Variants in LRRTM4 observed in about 807,000 individuals in gnomAD.
LRRTM4 encodes the protein leucine-rich repeat transmembrane neuronal protein 4.
LRRTM4 carries 25 observed loss-of-function variants against 47.6 expected under a neutral mutation model. That is an observed-to-expected ratio of 0.53 (90% confidence interval 0.38 to 0.73). The LOEUF is 0.73. LRRTM4 is among the 30% of genes least tolerant of loss of function. LRRTM4 has a pLI of 0.00. For synonymous variants in LRRTM4, 311 were observed against 269.5 expected, an observed-to-expected ratio of 1.15 and a Z score of -1.51; for missense variants, 638 against 713.4, an observed-to-expected ratio of 0.89 and a Z score of 1.20.
chr2:76,818,118 T>A (rs1037172609), intron 3 of LRRTM4, among the ~76,000 whole-genome samples: 1 of 151,914 alleles, frequency 6.6e-6, no homozygotes, highest in Non-Finnish European at 1.5e-5. Flanking sequence ...TACAGTGAAT[T>A]AGTCGTTGTA....
intron 3 of LRRTM4, among the ~76,000 whole-genome samples, chr2:76,921,782 A>C (rs1226161096): frequency 1.3e-5 from 2 of 152,140 alleles, no homozygotes; most frequent in East Asian, 1.9e-4. Context: ...TGGAACTATA[A>C]GATGTTCTAG....
intron 3 of LRRTM4, among the ~76,000 whole-genome samples, chr2:76,937,359 G>A (rs936224838): frequency 6.6e-6 from 1 of 152,158 alleles, no homozygotes; most frequent in Non-Finnish European, 1.5e-5. Flanking sequence ...TCTACTGGAA[G>A]GCAGGACTTT....
chr2:77,195,922 G>A (rs549924006), intron 3 of LRRTM4, among the ~76,000 whole-genome samples: 43 of 151,256 alleles, frequency 2.8e-4, no homozygotes, highest in Non-Finnish European at 4.9e-4. Context: ...TATTTAAAAC[G>A]GATCTTGAAG....
At chr2:77,479,699 TCGTCTC>T in intron 3 of LRRTM4, among the ~76,000 whole-genome samples, 1 of 152,240 alleles carries the variant, frequency 6.6e-6, no homozygotes, top group Non-Finnish European at 1.5e-5. Context: ...TCTCTTTTTC[TCGTCTC>T]CATCTCTCTC....
chr2:77,001,658 C>T (rs964206621), intron 3 of LRRTM4, among the ~76,000 whole-genome samples: 4 of 152,152 alleles, frequency 2.6e-5, no homozygotes, highest in South Asian at 2.1e-4. Context: ...ATCAGCCCCT[C>T]GATATCCAAT....
chr2:77,087,690 T>C (rs1421780768), intron 3 of LRRTM4, among the ~76,000 whole-genome samples: 1 of 152,118 alleles, frequency 6.6e-6, no homozygotes, highest in Non-Finnish European at 1.5e-5. Context: ...ATCAAATTCA[T>C]TGGATGCATA....
intron 3 of LRRTM4, among the ~76,000 whole-genome samples, chr2:76,848,672 T>C (rs1671904062): frequency 6.6e-6 from 1 of 152,126 alleles, no homozygotes; most frequent in Non-Finnish European, 1.5e-5. Flanking sequence ...ATATTATCTG[T>C]ATATAATTTA....
At chr2:76,992,799 T>C (rs936874403) in intron 3 of LRRTM4, among the ~76,000 whole-genome samples, 4 of 143,912 alleles carry the variant, frequency 2.8e-5, no homozygotes, top group Non-Finnish European at 6.1e-5. Context: ...GGAATAAAAA[T>C]GAACCAAGAT....
chr2:76,948,679 A>G (rs756540551), intron 3 of LRRTM4, among the ~76,000 whole-genome samples: 5 of 151,858 alleles, frequency 3.3e-5, no homozygotes, highest in South Asian at 2.1e-4. Flanking sequence ...CTGAATTTCA[A>G]AAGAATTCAT....
intron 3 of LRRTM4, among the ~76,000 whole-genome samples, chr2:76,878,027 C>A (rs934413009): frequency 6.6e-6 from 1 of 152,076 alleles, no homozygotes; most frequent in African/African-American, 2.4e-5. Context: ...CATTTAGAAA[C>A]CCTGCATTGA....
chr2:77,210,438 ATAGTT>A (rs1285348530), intron 3 of LRRTM4, among the ~76,000 whole-genome samples: 1 of 152,232 alleles, frequency 6.6e-6, no homozygotes, highest in Non-Finnish European at 1.5e-5. Flanking sequence ...AACATTAAAA[ATAGTT>A]TAGGAAGTAA....
chr2:76,795,190 C>A (rs1329792684), intron 3 of LRRTM4, among the ~76,000 whole-genome samples: 1 of 151,652 alleles, frequency 6.6e-6, no homozygotes, highest in Non-Finnish European at 1.5e-5. Flanking sequence ...AAAAGGTGCC[C>A]GAATCCACAA....
At chr2:77,165,535 A>T (rs754640482) in intron 3 of LRRTM4, among the ~76,000 whole-genome samples, 5 of 152,208 alleles carry the variant, frequency 3.3e-5, no homozygotes, top group Admixed American at 6.5e-5. Context: ...AATATCCCTA[A>T]TGAACATTGA....
rs141491173 is a variant in LRRTM4 at position 77,456,765 on chromosome 2, T to G, written c.1551+61553A>C. Among the ~76,000 whole-genome samples, 49 of 151,952 alleles carry G rather than the reference T, an allele frequency of 3.2e-4. No homozygotes were observed. The East Asian group carries it at 7.4e-3, about 23-fold the overall frequency. On this transcript the variant is annotated intron_variant, in intron 3 of 3. Transcript: ENST00000409884. ...CATATCCATGGTGTGTAGCCTGATC[T>G]TATCTTATTCTGTCATTCTTAACAT...
At chr2:77,054,384 C>A (rs764682945) in intron 3 of LRRTM4, among the ~76,000 whole-genome samples, 2 of 152,156 alleles carry the variant, frequency 1.3e-5, no homozygotes, top group Non-Finnish European at 2.9e-5. Flanking sequence ...CCAGCAGCAG[C>A]CACTCTTATT....
intron 3 of LRRTM4, among the ~76,000 whole-genome samples, chr2:77,071,346 G>A (rs1170086933): frequency 6.6e-6 from 1 of 152,008 alleles, no homozygotes; most frequent in East Asian, 1.9e-4. Context: ...GTTATCCAGA[G>A]ACCTTCACAT....
chr2:76,835,495 TTCTGAC>T (rs957904060), intron 3 of LRRTM4, among the ~76,000 whole-genome samples: 49 of 152,244 alleles, frequency 3.2e-4, no homozygotes, highest in Admixed American at 3.1e-3. Flanking sequence ...GAAGAGAACT[TTCTGAC>T]TAAGAAATGT....
chr2:76,817,877 T>C (rs7592668), intron 3 of LRRTM4, among the ~76,000 whole-genome samples: 8,598 of 151,938 alleles, frequency 0.057, 565 homozygotes, highest in African/African-American at 0.15. Context: ...TGTGAAAAGA[T>C]TGGTTTTCTT....
chr2:77,510,964 A>G lies in LRRTM4; in HGVS notation c.1551+7354T>C, dbSNP rs1055401613. On this transcript the variant is annotated intron_variant, in intron 3 of 3. Coordinates refer to ENST00000409884, the MANE Select transcript of LRRTM4 (RefSeq NM_001134745.3). The stretch of plus-strand genomic sequence containing the variant: ...ACTAGAAGAATTTGTGTTTAAAAAG[A>G]AACAAAATGGAAAAAATGATTCTTC... 2.0e-4 allele frequency among the ~76,000 whole-genome samples: 31 copies of G among 152,212 alleles called. 1 individual carries two copies. Among genetic ancestry groups the G allele is most frequent in the African/African-American group, 6.5e-4 (27 of 41,572 alleles).
Sources: allele counts gnomAD v4.1 joint callset (sites outside exome capture counted in the v4.1 genomes callset), GRCh38; gene constraint gnomAD v4.1.1; transcripts MANE v1.5; gene names NCBI Gene and HGNC (gene_info 2026-07-23, HGNC 2026-07-21).